Variants in NIBAN1 observed in about 807,000 individuals in gnomAD.
The protein encoded by NIBAN1 is protein Niban 1.
NIBAN1 carries 81 observed loss-of-function variants against 75.1 expected under a neutral mutation model. The ratio of observed to expected loss-of-function variants is 1.08; its 90% CI spans 0.90 to 1.30. The LOEUF (loss-of-function observed/expected upper bound fraction) is 1.30. Ranked by LOEUF, NIBAN1 falls within the 50% of genes most tolerant of loss-of-function variation. NIBAN1 has a pLI of 0.00. For synonymous variants in NIBAN1, 436 were observed against 424.8 expected, an observed-to-expected ratio of 1.03 and a Z score of -0.32; for missense variants, 1,133 against 1,128.1, an observed-to-expected ratio of 1.00 and a Z score of -0.06.
intron 1 of NIBAN1, among the ~76,000 whole-genome samples, chr1:184,947,597 G>T (rs1209722566): frequency 6.6e-6 from 1 of 152,124 alleles, no homozygotes; most frequent in Non-Finnish European, 1.5e-5. Context: ...AATAATCCTG[G>T]GTTTGAAGCC....
chr1:184,797,679 T>C (rs1001329520), intron 13 of NIBAN1, among the ~76,000 whole-genome samples: 5 of 152,100 alleles, frequency 3.3e-5, no homozygotes, highest in Non-Finnish European at 7.4e-5. Context: ...GCAGGGGCAG[T>C]TACAAGCCTG....
chr1:184,922,209 A>T (rs913977091), intron 1 of NIBAN1, among the ~76,000 whole-genome samples: 6 of 152,194 alleles, frequency 3.9e-5, no homozygotes, highest in Admixed American at 2.6e-4. Context: ...TAAATAGGGT[A>T]GCCATCACAT....
At chr1:184,957,871 C>A (rs1658530821) in intron 1 of NIBAN1, among the ~76,000 whole-genome samples, 1 of 152,080 alleles carries the variant, frequency 6.6e-6, no homozygotes. Flanking sequence ...CCTTACTTCC[C>A]AAATATAAAT....
intron 1 of NIBAN1, among the ~76,000 whole-genome samples, chr1:184,958,624 T>A (rs1278810508): frequency 6.6e-6 from 1 of 152,190 alleles, no homozygotes; most frequent in Non-Finnish European, 1.5e-5. Flanking sequence ...CTAAGATATT[T>A]ACTTGCCTGG....
intron 1 of NIBAN1, among the ~76,000 whole-genome samples, chr1:184,948,666 G>A (rs1033003061): frequency 3.3e-5 from 5 of 152,024 alleles, no homozygotes; most frequent in Admixed American, 1.3e-4. Context: ...CAGGATATAC[G>A]ACAGCCAGCA....
intron 8 of NIBAN1, among the ~76,000 whole-genome samples, chr1:184,821,949 G>A (rs937403160): frequency 2.6e-5 from 4 of 152,160 alleles, no homozygotes; most frequent in Admixed American, 1.3e-4. Context: ...GAACCCTGAA[G>A]CAAGCTGGGC....
At chr1:184,947,882 C>T (rs1013450705) in intron 1 of NIBAN1, among the ~76,000 whole-genome samples, 4 of 152,166 alleles carry the variant, frequency 2.6e-5, no homozygotes, top group Non-Finnish European at 5.9e-5. Flanking sequence ...CTGCTTACCC[C>T]CTTGGTAAGG....
At chr1:184,973,134 C>T (rs573661690) in intron 1 of NIBAN1, among the ~76,000 whole-genome samples, 1 of 152,266 alleles carries the variant, frequency 6.6e-6, no homozygotes, top group South Asian at 2.1e-4. Context: ...TCCCCTTTAA[C>T]AAACAAAAGC....
chr1:184,959,416 C>T (rs1308305645), intron 1 of NIBAN1, among the ~76,000 whole-genome samples: 3 of 152,160 alleles, frequency 2.0e-5, no homozygotes, highest in African/African-American at 7.2e-5. Context: ...CCTCTGTGTT[C>T]GCACATGGAG....
At chr1:184,870,587 T>A (rs1485488479) in intron 5 of NIBAN1, among the ~76,000 whole-genome samples, 1 of 152,080 alleles carries the variant, frequency 6.6e-6, no homozygotes, top group Non-Finnish European at 1.5e-5. Context: ...TCCCGCAAGG[T>A]CAAGGTGGTA....
chr1:184,919,613 G>T (rs1218965458), intron 1 of NIBAN1, among the ~76,000 whole-genome samples: 2 of 152,038 alleles, frequency 1.3e-5, no homozygotes, highest in Non-Finnish European at 2.9e-5. Context: ...CCATTAAGAA[G>T]AAAAGAAATG....
intron 1 of NIBAN1, among the ~76,000 whole-genome samples, chr1:184,916,689 T>C (rs888972192): frequency 6.6e-6 from 1 of 152,136 alleles, no homozygotes; most frequent in African/African-American, 2.4e-5. Flanking sequence ...ATTTTATATT[T>C]ATAATAAGAC....
intron 12 of NIBAN1, among the ~76,000 whole-genome samples, chr1:184,802,265 C>T (rs1164279404): frequency 6.6e-6 from 1 of 152,122 alleles, no homozygotes; most frequent in East Asian, 1.9e-4. Context: ...ATTACAAGAG[C>T]CTCTTACAGA....
In NIBAN1 at chr1:184,808,066, A is replaced by C. The variant is rs972439518; in HGVS notation, c.1335+8T>G. The C allele has an allele frequency of 1.9e-6, 3 of 1,613,496 alleles. No individual in the cohort carries two copies. The highest frequency in any genetic ancestry group is 2.7e-5 in the African/African-American group (2 of 74,854). ...CTCATCCACCACGGATGCCCCTGCC[A>C]CACCCACCTCCTGCATGTAGTTCTG... On this transcript the variant is annotated splice_region_variant and intron_variant, in intron 10 of 13. Coordinates refer to ENST00000367511, the MANE Select transcript of NIBAN1 (RefSeq NM_052966.4).
chr1:184,831,785 G>A, intron 6 of NIBAN1, 62 bp downstream of exon 6: 3 of 1,167,084 alleles, frequency 2.6e-6, no homozygotes, highest in Non-Finnish European at 3.8e-6. Context: ...AAATGACCCT[G>A]ACTTCGTATC....
At chr1:184,934,836 A>G (rs904713279) in intron 1 of NIBAN1, among the ~76,000 whole-genome samples, 2 of 152,102 alleles carry the variant, frequency 1.3e-5, no homozygotes, top group Non-Finnish European at 2.9e-5. Flanking sequence ...CAGCGGTTGC[A>G]GTGAGCCAAG....
chr1:184,936,876 G>T (rs1391144033), intron 1 of NIBAN1, among the ~76,000 whole-genome samples: 1 of 152,062 alleles, frequency 6.6e-6, no homozygotes, highest in Non-Finnish European at 1.5e-5. Flanking sequence ...CATCTTTGGG[G>T]AGCATTCTTC....
At chr1:184,832,178 A>T (rs1168060027) in intron 5 of NIBAN1, among the ~76,000 whole-genome samples, 2 of 152,190 alleles carry the variant, frequency 1.3e-5, no homozygotes, top group African/African-American at 4.8e-5. Flanking sequence ...GAATTCTATC[A>T]GTTACTGAGC....
chr1:184,923,357 G>T (rs924183068), intron 1 of NIBAN1, among the ~76,000 whole-genome samples: 1 of 152,068 alleles, frequency 6.6e-6, no homozygotes, highest in Non-Finnish European at 1.5e-5. Flanking sequence ...TTACCTTTGT[G>T]GGATATAAGT....
Sources: allele counts gnomAD v4.1 joint callset (sites outside exome capture counted in the v4.1 genomes callset), GRCh38; gene constraint gnomAD v4.1.1; transcripts MANE v1.5; gene names NCBI Gene and HGNC (gene_info 2026-07-23, HGNC 2026-07-21).